ERAP1: variants seen among roughly 807,000 people sequenced by gnomAD.
ERAP1 encodes the protein adipocyte-derived leucine aminopeptidase.
A neutral mutation model predicts 103.7 loss-of-function variants in ERAP1; 86 were observed. The ratio of observed to expected loss-of-function variants is 0.83; its 90% confidence interval spans 0.70 to 0.99. The LOEUF is 0.99. Ranked by LOEUF, ERAP1 falls within the 50% of genes least tolerant of loss-of-function variation. ERAP1 has a pLI of 0.00. For synonymous variants in ERAP1, 398 were observed against 402.4 expected, an observed-to-expected ratio of 0.99 and a Z score of 0.13; for missense variants, 1,009 against 1,128.4, an observed-to-expected ratio of 0.89 and a Z score of 1.52.
At chr5:96,903,354 C>G in the ERAP1 span, 3 of 1,572,160 alleles carry the variant, frequency 1.9e-6, no homozygotes, top group Non-Finnish European at 2.6e-6. Context: ...AATAAAATGC[C>G]TATGCCAATC....
the ERAP1 span, among the ~76,000 whole-genome samples, chr5:96,899,071 G>A: frequency 7.2e-4 from 109 of 152,206 alleles, 1 homozygote; most frequent in African/African-American, 2.5e-3. Flanking sequence ...GGCCAGCAGT[G>A]TAAATTCCTG....
chr5:96,895,376 G>T, the ERAP1 span: 1 of 1,467,164 alleles, frequency 6.8e-7, no homozygotes. Context: ...TCACAATTCT[G>T]TGTATCATAC....
rs544987855 is a variant in ERAP1 at position 96,793,640 on chromosome 5, A to G, written c.1075-127T>C. On this transcript the variant is annotated intron_variant, in intron 6 of 18. Transcript: ENST00000443439. ...ATATTTAATCAAGGTAAAAATAAAA[A>G]AAGTTCAACATGCATTATAAGACAT... 112 of 1,085,210 alleles carry G rather than the reference A, an allele frequency of 1.0e-4. No homozygotes were observed. The East Asian group carries it at 1.3e-3, about 12-fold the overall frequency. 67.2% of individuals were successfully genotyped at this position (1,085,210 alleles called of 1,614,324 possible).
intron 6 of ERAP1, 132 bp downstream of exon 6, chr5:96,793,671 C>T (rs568810561): frequency 2.9e-5 from 32 of 1,121,390 alleles, no homozygotes; most frequent in South Asian, 1.2e-4. Flanking sequence ...GACATAAAAA[C>T]GAATGCTTTG....
At chr5:96,874,623 C>T in the ERAP1 span, among the ~76,000 whole-genome samples, 1 of 152,244 alleles carries the variant, frequency 6.6e-6, no homozygotes, top group South Asian at 2.1e-4. Flanking sequence ...CTGAGGGACC[C>T]CATTCAGTCT....
chr5:96,890,279 G>A, the ERAP1 span, among the ~76,000 whole-genome samples: 5 of 152,310 alleles, frequency 3.3e-5, no homozygotes, highest in Non-Finnish European at 7.3e-5. Flanking sequence ...CCACCTCAGA[G>A]CATTGGGCAT....
At chr5:96,821,747 G>A in the ERAP1 span, among the ~76,000 whole-genome samples, 2 of 152,192 alleles carry the variant, frequency 1.3e-5, no homozygotes, top group African/African-American at 4.8e-5. Flanking sequence ...AATAGGAAGA[G>A]CTAGTTTATA....
intron 8 of ERAP1, among the ~76,000 whole-genome samples, chr5:96,791,168 A>T (rs530797850): frequency 1.3e-5 from 2 of 152,282 alleles, no homozygotes; most frequent in East Asian, 3.9e-4. Flanking sequence ...GAAAGGGAAC[A>T]AGAGTCTTCC....
chr5:96,871,394 C>G, the ERAP1 span, among the ~76,000 whole-genome samples: 46 of 152,188 alleles, frequency 3.0e-4, no homozygotes, highest in Admixed American at 2.4e-3. Flanking sequence ...AGTCCCTACT[C>G]TATCTTGGCC....
chr5:96,869,704 A>G, the ERAP1 span, among the ~76,000 whole-genome samples: 1 of 152,240 alleles, frequency 6.6e-6, no homozygotes, highest in Non-Finnish European at 1.5e-5. Flanking sequence ...AGTCTAGTGA[A>G]AACTCCTCAA....
chr5:96,880,404 T>TTCC, the ERAP1 span: 1 of 762,024 alleles, frequency 1.3e-6, no homozygotes, highest in East Asian at 2.7e-5. Flanking sequence ...AGATCTACCA[T>TTCC]TCCTTAAGGA....
chr5:96,909,882 G>GTA, the ERAP1 span: 2 of 1,015,256 alleles, frequency 2.0e-6, no homozygotes, highest in African/African-American at 1.6e-5. Context: ...AACATGCTGG[G>GTA]CATTACAAAC....
At chr5:96,876,306 T>C in the ERAP1 span, 1 of 152,372 alleles carries the variant, frequency 6.6e-6, no homozygotes, top group African/African-American at 2.4e-5. Context: ...CTTTCCATGG[T>C]TTGGCTTCTA....
upstream of ERAP1, among the ~76,000 whole-genome samples, chr5:96,808,531 G>A (rs1350101315): frequency 1.3e-5 from 2 of 152,078 alleles, no homozygotes; most frequent in African/African-American, 4.8e-5. Context: ...ACCTTCTGGG[G>A]CTTCGGTAGA....
At chr5:96,871,469 C>A in the ERAP1 span, among the ~76,000 whole-genome samples, 1 of 152,212 alleles carries the variant, frequency 6.6e-6, no homozygotes, top group Non-Finnish European at 1.5e-5. Flanking sequence ...CAAAACATTA[C>A]TGATTTGGTT....
At chr5:96,874,128 A>AAGAG in the ERAP1 span, among the ~76,000 whole-genome samples, 6 of 127,736 alleles carry the variant, frequency 4.7e-5, no homozygotes, top group East Asian at 2.3e-4. Flanking sequence ...GAAAGAAAGA[A>AAGAG]AGAGAGAGAG....
chr5:96,833,957 G>A, the ERAP1 span, among the ~76,000 whole-genome samples: 1 of 152,118 alleles, frequency 6.6e-6, no homozygotes, highest in South Asian at 2.1e-4. Context: ...TAATGTAGTA[G>A]TAATGATCCA....
At chr5:96,848,862 C>T in the ERAP1 span, 2 of 148,406 alleles carry the variant, frequency 1.3e-5, no homozygotes, top group African/African-American at 2.5e-5. Context: ...TTTTAATGAA[C>T]ATAGATGCAA....
intron 16 of ERAP1, 45 bp downstream of exon 16, chr5:96,781,648 C>T: frequency 1.9e-6 from 3 of 1,612,758 alleles, no homozygotes; most frequent in Non-Finnish European, 2.5e-6. Flanking sequence ...CTAATCTAAT[C>T]TAATTTCCCT....
Sources: allele counts gnomAD v4.1 joint callset (sites outside exome capture counted in the v4.1 genomes callset), GRCh38; gene constraint gnomAD v4.1.1; transcripts MANE v1.5; gene names NCBI Gene and HGNC (gene_info 2026-07-23, HGNC 2026-07-21).